The following GALNT17 variants were observed in gnomAD, a reference collection of about 807,000 sequenced individuals.
GALNT17 encodes UDP-GalNAc:polypeptide N-acetylgalactosaminyltransferase-like 3.
A neutral mutation model predicts 63.7 loss-of-function variants in GALNT17; 29 were observed. The observed-to-expected ratio is 0.46, with a 90% CI of 0.34 to 0.62. The LOEUF is 0.62. Among genes scored for constraint, GALNT17 ranks in the 20% least tolerant of loss-of-function variants. The pLI is 0.01. For synonymous variants in GALNT17, 305 were observed against 318.3 expected, an observed-to-expected ratio of 0.96 and a Z score of 0.45; for missense variants, 603 against 799.6, an observed-to-expected ratio of 0.75 and a Z score of 2.97.
rs770747325 is a variant in GALNT17 at position 71,571,288 on chromosome 7, C to T, written c.966C>T (p.Thr322=). The T allele has an allele frequency of 1.4e-5, 22 of 1,613,912 alleles. No homozygotes were observed. Among genetic ancestry groups the T allele is most frequent in the Non-Finnish European group, 1.9e-5 (22 of 1,179,832 alleles). Residue 322 remains threonine, a synonymous_variant, in exon 6 of 11, where the codon ACC becomes ACT. Coordinates refer to ENST00000333538, the MANE Select transcript of GALNT17 (RefSeq NM_022479.3). ...DAGDPSLPIR[T]PAMIGCSFVV... is the part of the protein sequence containing the mutation. ...CCCTTCTTTCTCCCTCCCTCAGGAC[C>T]CCAGCCATGATAGGCTGCTCGTTCG...
intron 5 of GALNT17, among the ~76,000 whole-genome samples, chr7:71,488,675 G>A (rs563859576): frequency 6.3e-4 from 95 of 149,912 alleles, no homozygotes; most frequent in Non-Finnish European, 9.2e-4. Context: ...TGCCTCCTAG[G>A]TTCAAGCAAT....
chr7:71,554,288 C>T (rs987604004), intron 5 of GALNT17, among the ~76,000 whole-genome samples: 2 of 152,154 alleles, frequency 1.3e-5, no homozygotes, highest in Non-Finnish European at 2.9e-5. Flanking sequence ...GGATAAATCT[C>T]GTGAGATCTG....
intron 1 of GALNT17, among the ~76,000 whole-genome samples, chr7:71,148,897 T>TATATATAC (rs1788080982): frequency 6.9e-6 from 1 of 145,754 alleles, no homozygotes; most frequent in Non-Finnish European, 1.5e-5. Flanking sequence ...TATATATGTA[T>TATATATAC]ACCATAGTTA....
intron 5 of GALNT17, among the ~76,000 whole-genome samples, chr7:71,482,149 CATTT>C (rs1563125549): frequency 1.4e-5 from 1 of 73,508 alleles, no homozygotes; most frequent in African/African-American, 4.7e-5. Flanking sequence ...GACAAGGATA[CATTT>C]TTTTTTTTTT....
intron 9 of GALNT17, among the ~76,000 whole-genome samples, chr7:71,705,414 G>T (rs567378746): frequency 1.3e-5 from 2 of 152,126 alleles, no homozygotes; most frequent in African/African-American, 2.4e-5. Context: ...ATTGCTGGTG[G>T]GAGTGTAAAA....
chr7:71,148,330 C>T (rs926381658), intron 1 of GALNT17, among the ~76,000 whole-genome samples: 1 of 152,124 alleles, frequency 6.6e-6, no homozygotes, highest in Admixed American at 6.6e-5. Context: ...ATCTTTGTAC[C>T]AGGTAGGGAT....
chr7:71,412,531 C>G (rs958147275), intron 3 of GALNT17, among the ~76,000 whole-genome samples: 7 of 152,172 alleles, frequency 4.6e-5, no homozygotes, highest in African/African-American at 1.7e-4. Context: ...CGCCACCACA[C>G]CCGGCTAGTT....
At chr7:71,558,134 T>A (rs921232555) in intron 5 of GALNT17, among the ~76,000 whole-genome samples, 1 of 152,038 alleles carries the variant, frequency 6.6e-6, no homozygotes, top group African/African-American at 2.4e-5. Context: ...GTCCAGAGAC[T>A]GTACTCTCCT....
chr7:71,604,706 G>A (rs181519460), intron 6 of GALNT17, among the ~76,000 whole-genome samples: 21 of 152,186 alleles, frequency 1.4e-4, no homozygotes, highest in Admixed American at 9.2e-4. Flanking sequence ...GGTTCTGTTC[G>A]CTGGAGCTTT....
chr7:71,234,000 A>G (rs1789840647), intron 1 of GALNT17, among the ~76,000 whole-genome samples: 1 of 152,124 alleles, frequency 6.6e-6, no homozygotes, highest in East Asian at 1.9e-4. Flanking sequence ...AGAACTCACT[A>G]TCATGAGAAC....
chr7:71,539,782 C>T (rs1788858569), intron 5 of GALNT17, among the ~76,000 whole-genome samples: 1 of 139,790 alleles, frequency 7.2e-6, no homozygotes, highest in Non-Finnish European at 1.5e-5. Context: ...AGCTCAGCAG[C>T]CTCTAACTCC....
chr7:71,669,490 G>A (rs958352235), intron 7 of GALNT17, among the ~76,000 whole-genome samples: 5 of 151,518 alleles, frequency 3.3e-5, no homozygotes, highest in African/African-American at 1.2e-4. Context: ...CAGCCTGGGT[G>A]ATAGACCAAG....
chr7:71,181,266 A>AT (rs1788729895), intron 1 of GALNT17, among the ~76,000 whole-genome samples: 2 of 151,502 alleles, frequency 1.3e-5, no homozygotes, highest in African/African-American at 4.9e-5. Context: ...AAAAAAAAAA[A>AT]AAGTAATGGC....
intron 6 of GALNT17, among the ~76,000 whole-genome samples, chr7:71,583,123 G>A (rs932424792): frequency 6.6e-6 from 1 of 152,062 alleles, no homozygotes; most frequent in Non-Finnish European, 1.5e-5. Flanking sequence ...CCAGTATGTG[G>A]GTTTCTGAAT....
intron 5 of GALNT17, among the ~76,000 whole-genome samples, chr7:71,497,710 G>A (rs1335095313): frequency 1.3e-5 from 2 of 152,162 alleles, no homozygotes; most frequent in Admixed American, 1.3e-4. Context: ...AGCACATGCT[G>A]CGTGCAGCCT....
chr7:71,286,542 G>C (rs1790876685), intron 1 of GALNT17, among the ~76,000 whole-genome samples: 2 of 151,274 alleles, frequency 1.3e-5, no homozygotes, highest in African/African-American at 2.5e-5. Context: ...CTCTGGGCTT[G>C]CCAGGGCTTT....
rs1188921162 is a variant in GALNT17 at position 71,335,711 on chromosome 7, A to C, written c.400A>C (p.Ile134Leu). Residue 134 changes from isoleucine (I) to leucine (L), a missense_variant, in exon 2 of 11, where the codon ATT (isoleucine) becomes CTT (leucine). Ile to Leu is a conservative substitution (Grantham distance 5, BLOSUM62 2). Around this residue, in one of 3 missense-constraint regions of GALNT17, gnomAD observed 195 missense variants for 215.0 expected, o/e 0.91. Transcript: ENST00000333538. The part of the protein sequence containing the change: ...LSEKISLDRS[I>L]PDYRPTKCKE... ...TGAAAAAATTTCACTGGACCGTTCC[A>C]TTCCGGATTATCGTCCCACCAAGTA... 6.2e-7 allele frequency: 1 copy of C among 1,604,162 alleles called. No homozygotes were observed. The highest frequency in any genetic ancestry group is 2.3e-5 in the East Asian group (1 of 44,382).
At chr7:71,351,876 A>T (rs574780393) in intron 2 of GALNT17, among the ~76,000 whole-genome samples, 1 of 152,140 alleles carries the variant, frequency 6.6e-6, no homozygotes, top group African/African-American at 2.4e-5. Flanking sequence ...GATCTGGGGT[A>T]TGTTTTTAGA....
chr7:71,712,298 G>A lies in GALNT17; in HGVS notation c.*152G>A. 4 of 977,462 alleles carry A rather than the reference G, an allele frequency of 4.1e-6. No homozygotes were observed. Among genetic ancestry groups the A allele is most frequent in the Non-Finnish European group, 5.8e-6 (4 of 693,376 alleles). 60.5% of individuals were successfully genotyped at this position (977,462 alleles called of 1,614,324 possible). On this transcript the variant is annotated 3_prime_UTR_variant, in exon 11 of 11. Transcript: ENST00000333538. ...TCTCCAGGGCAGCACAGGGACCCCG[G>A]ATGAAGACTCTGTCCCCCCTCAGGC... is the stretch of plus-strand genomic sequence containing the variant.
Sources: gnomAD v4.1 joint callset for allele counts (sites outside exome capture counted in the v4.1 genomes callset) on GRCh38, gnomAD v4.1.1 for gene constraint, gnomAD v4.1.1 regional missense constraint, MANE v1.5 for transcripts, NCBI Gene and HGNC (gene_info 2026-07-23, HGNC 2026-07-21) for gene names.